MGMT: variants seen among roughly 807,000 people sequenced by gnomAD.
MGMT encodes methylated-DNA--protein-cysteine methyltransferase.
MGMT carries 14 observed loss-of-function variants against 15.9 expected under a neutral mutation model. That is an observed-to-expected ratio of 0.88 (90% confidence interval 0.58 to 1.37). The LOEUF (loss-of-function observed/expected upper bound fraction) is 1.37. MGMT is among the 40% of genes most tolerant of loss of function. The pLI is 0.00. For missense variants in MGMT, 282 were observed against 268.1 expected (o/e 1.05, Z -0.36); for synonymous variants, 130 against 118.2 (o/e 1.10, Z -0.65).
chr10:129,591,548 T>C (rs895665948), intron 2 of MGMT, among the ~76,000 whole-genome samples: 3 of 152,202 alleles, frequency 2.0e-5, no homozygotes, highest in African/African-American at 7.2e-5. Context: ...TAGCTGGACC[T>C]AGATCCAGGC....
At chr10:129,577,684 A>T (rs2133044032) in intron 2 of MGMT, among the ~76,000 whole-genome samples, 1 of 152,354 alleles carries the variant, frequency 6.6e-6, no homozygotes, top group East Asian at 1.9e-4. Flanking sequence ...AAATTGACAA[A>T]TGGGATCTAA....
At chr10:129,632,644 G>A (rs1363430248) in intron 2 of MGMT, among the ~76,000 whole-genome samples, 1 of 152,134 alleles carries the variant, frequency 6.6e-6, no homozygotes, top group South Asian at 2.1e-4. Context: ...CTGCTGCTCC[G>A]GGGGATGTCG....
At chr10:129,477,336 C>G (rs935725971) in intron 1 of MGMT, among the ~76,000 whole-genome samples, 6 of 152,176 alleles carry the variant, frequency 3.9e-5, no homozygotes, top group Non-Finnish European at 8.8e-5. Flanking sequence ...ATTGGATGCT[C>G]TCCAAGGCCT....
chr10:129,519,517 T>A (rs2119719546), intron 1 of MGMT, among the ~76,000 whole-genome samples: 1 of 152,320 alleles, frequency 6.6e-6, no homozygotes, highest in Non-Finnish European at 1.5e-5. Flanking sequence ...ATGGAGCCTG[T>A]CGCTCCAGGA....
chr10:129,651,767 A>G (rs1847461173), intron 2 of MGMT, among the ~76,000 whole-genome samples: 1 of 152,216 alleles, frequency 6.6e-6, no homozygotes, highest in Non-Finnish European at 1.5e-5. Context: ...AAATTCACCC[A>G]TCAAAAGGAA....
intron 2 of MGMT, among the ~76,000 whole-genome samples, chr10:129,686,488 C>T (rs1202949916): frequency 6.6e-6 from 1 of 152,142 alleles, no homozygotes; most frequent in Admixed American, 6.6e-5. Context: ...GATTCCCCTA[C>T]CTTAGCCTCC....
intron 1 of MGMT, among the ~76,000 whole-genome samples, chr10:129,523,200 G>A (rs1589849020): frequency 1.3e-5 from 2 of 152,232 alleles, no homozygotes; most frequent in East Asian, 1.9e-4. Flanking sequence ...TGTGCGACCC[G>A]GCGGGGGCCT....
intron 2 of MGMT, among the ~76,000 whole-genome samples, chr10:129,619,532 CTT>C (rs1847067038): frequency 6.6e-6 from 1 of 152,020 alleles, no homozygotes; most frequent in South Asian, 2.1e-4. Context: ...TGTATTCTCT[CTT>C]GTACTGCTTT....
At chr10:129,752,515 G>T (rs544636115) in intron 3 of MGMT, among the ~76,000 whole-genome samples, 1 of 150,128 alleles carries the variant, frequency 6.7e-6, no homozygotes, top group Non-Finnish European at 1.5e-5. Flanking sequence ...ACATTTTATT[G>T]TTTGTGCCCT....
chr10:129,564,337 CCT>C (rs1394607760), intron 2 of MGMT, among the ~76,000 whole-genome samples: 2 of 46,068 alleles, frequency 4.3e-5, no homozygotes, highest in Non-Finnish European at 9.1e-5. Context: ...CTTTCCTCCC[CCT>C]CTTTCCTCTT....
chr10:129,706,394 G>A (rs762196640), intron 2 of MGMT, among the ~76,000 whole-genome samples: 4 of 152,160 alleles, frequency 2.6e-5, no homozygotes, highest in African/African-American at 7.2e-5. Context: ...TGGGTGTGTC[G>A]AGGAGAAACA....
chr10:129,712,708 C>G (rs373243421), intron 3 of MGMT, among the ~76,000 whole-genome samples: 1 of 152,066 alleles, frequency 6.6e-6, no homozygotes, highest in African/African-American at 2.4e-5. Context: ...GAGAGGATGA[C>G]GAGGGAGGAG....
intron 3 of MGMT, among the ~76,000 whole-genome samples, chr10:129,758,502 T>C (rs1424519254): frequency 6.6e-6 from 1 of 152,058 alleles, no homozygotes; most frequent in African/African-American, 2.4e-5. Flanking sequence ...TTCTGAAACC[T>C]GGAGGCAGAG....
intron 3 of MGMT, among the ~76,000 whole-genome samples, chr10:129,723,174 T>G (rs759686210): frequency 6.6e-6 from 1 of 152,122 alleles, no homozygotes; most frequent in Non-Finnish European, 1.5e-5. Flanking sequence ...TTTGGTTACA[T>G]GAGTAAGTTC....
At chr10:129,738,337 A>G (rs375909537) in intron 3 of MGMT, among the ~76,000 whole-genome samples, 3 of 152,140 alleles carry the variant, frequency 2.0e-5, no homozygotes, top group South Asian at 2.1e-4. Context: ...TCTGTCACCA[A>G]TTTCTTTGAC....
intron 1 of MGMT, among the ~76,000 whole-genome samples, chr10:129,489,760 G>T: frequency 6.6e-6 from 1 of 152,108 alleles, no homozygotes; most frequent in East Asian, 1.9e-4. Flanking sequence ...TCTAGGATTA[G>T]ATTTTTCTTT....
chr10:129,609,828 G>A (rs1846938827), intron 2 of MGMT, among the ~76,000 whole-genome samples: 1 of 152,264 alleles, frequency 6.6e-6, no homozygotes, highest in Non-Finnish European at 1.5e-5. Flanking sequence ...TCACCTGGGG[G>A]GACACCACCA....
intron 2 of MGMT, among the ~76,000 whole-genome samples, chr10:129,542,021 A>T (rs1216081569): frequency 1.3e-5 from 2 of 152,108 alleles, no homozygotes; most frequent in Non-Finnish European, 2.9e-5. Flanking sequence ...GAACGTGAGA[A>T]CGTATCCTGC....
intron 1 of MGMT, among the ~76,000 whole-genome samples, chr10:129,508,214 G>A (rs936282552): frequency 2.6e-5 from 4 of 152,148 alleles, no homozygotes; most frequent in Non-Finnish European, 5.9e-5. Flanking sequence ...TTTGCGGGTG[G>A]TTCTGATGGC....
Sources: gnomAD v4.1 joint callset for allele counts (sites outside exome capture counted in the v4.1 genomes callset) on GRCh38, gnomAD v4.1.1 for gene constraint, MANE v1.5 for transcripts, NCBI Gene and HGNC (gene_info 2026-07-23, HGNC 2026-07-21) for gene names.